The following ANXA8 variants were observed in gnomAD, a reference collection of about 807,000 sequenced individuals.
ANXA8 encodes annexin A8, also known as VAC-beta.
Under a neutral mutation model 26.8 loss-of-function variants are expected in ANXA8, and 9 were observed. That is an observed-to-expected ratio of 0.34 (90% CI 0.20 to 0.59). ANXA8 has a LOEUF of 0.59. ANXA8 is among the 20% of genes least tolerant of loss of function. The probability of loss-of-function intolerance (pLI) is 0.84; values close to 1 mark genes in which losing one functional copy is unlikely to be tolerated. For missense variants in ANXA8, 83 were observed against 238.5 expected, an observed-to-expected ratio of 0.35 and a Z score of 4.29; for synonymous variants, 39 against 94.8, an observed-to-expected ratio of 0.41 and a Z score of 3.42.
the ANXA8 span, among the ~76,000 whole-genome samples, chr10:47,626,167 G>A: frequency 6.7e-6 from 1 of 150,062 alleles, no homozygotes; most frequent in South Asian, 2.1e-4. Context: ...GGGTCAAATG[G>A]CAGTTAATAG....
At chr10:47,581,427 G>A in the ANXA8 span, 8 of 472,852 alleles carry the variant, frequency 1.7e-5, no homozygotes, top group South Asian at 1.3e-4. Flanking sequence ...AGGAGGGGAA[G>A]CACAGAGCTG....
the ANXA8 span, among the ~76,000 whole-genome samples, chr10:47,561,969 A>G: frequency 2.0e-5 from 3 of 151,412 alleles, no homozygotes; most frequent in African/African-American, 7.3e-5. Context: ...TGGGGGAGTC[A>G]GCTATACAGA....
the ANXA8 span, among the ~76,000 whole-genome samples, chr10:47,600,338 G>C: frequency 6.7e-6 from 1 of 150,354 alleles, no homozygotes; most frequent in Non-Finnish European, 1.5e-5. Flanking sequence ...GGCCAAGGTA[G>C]CTCCGCTCTC....
chr10:47,503,400 A>G, the ANXA8 span: 1 of 1,610,134 alleles, frequency 6.2e-7, no homozygotes, highest in Admixed American at 1.7e-5. Flanking sequence ...ACCGCTTGCA[A>G]ACGGGGGTGG....
At chr10:47,551,536 G>A in the ANXA8 span, among the ~76,000 whole-genome samples, 1 of 151,838 alleles carries the variant, frequency 6.6e-6, no homozygotes. Flanking sequence ...TTGTATCTTG[G>A]GCAAGAAACG....
the ANXA8 span, among the ~76,000 whole-genome samples, chr10:47,974,597 T>A: frequency 2.8e-5 from 4 of 145,122 alleles, no homozygotes; most frequent in Non-Finnish European, 4.6e-5. Flanking sequence ...AAGTTGTATC[T>A]CCATTTTCAT....
At chr10:47,552,870 G>C in the ANXA8 span, among the ~76,000 whole-genome samples, 2 of 151,854 alleles carry the variant, frequency 1.3e-5, no homozygotes, top group Non-Finnish European at 2.9e-5. Flanking sequence ...TGGTCTGATT[G>C]GCAGAGGAAA....
At chr10:47,704,952 A>T in the ANXA8 span, among the ~76,000 whole-genome samples, 1 of 152,094 alleles carries the variant, frequency 6.6e-6, no homozygotes, top group Non-Finnish European at 1.5e-5. Context: ...TTGTAAATTC[A>T]GTGCATGTTC....
the ANXA8 span, among the ~76,000 whole-genome samples, chr10:47,743,317 T>TATACATATAC: frequency 7.3e-5 from 3 of 40,892 alleles, no homozygotes; most frequent in Non-Finnish European, 9.4e-5. Flanking sequence ...TATATACACA[T>TATACATATAC]ATATATATAT....
chr10:47,578,871 C>T, the ANXA8 span, among the ~76,000 whole-genome samples: 1 of 151,926 alleles, frequency 6.6e-6, no homozygotes, highest in East Asian at 1.9e-4. Flanking sequence ...TTCTTTGAGA[C>T]AGAGTCTTGC....
the ANXA8 span, among the ~76,000 whole-genome samples, chr10:47,712,791 C>CT: frequency 3.7e-4 from 26 of 70,736 alleles, no homozygotes; most frequent in East Asian, 8.4e-4. Flanking sequence ...GCATAAGGCA[C>CT]TTTTTTTTTT....
the ANXA8 span, chr10:47,491,624 G>T: frequency 1.8e-3 from 2,752 of 1,535,204 alleles, 39 homozygotes; most frequent in Non-Finnish European, 1.8e-3. Flanking sequence ...TGGCCTTCTC[G>T]GTGCGGTGGG....
At chr10:47,577,268 T>C in the ANXA8 span, among the ~76,000 whole-genome samples, 2 of 137,254 alleles carry the variant, frequency 1.5e-5, no homozygotes, top group Admixed American at 1.5e-4. Context: ...CTCAGCATGG[T>C]GGCTCATGCC....
At chr10:47,558,640 C>T in the ANXA8 span, among the ~76,000 whole-genome samples, 1 of 151,394 alleles carries the variant, frequency 6.6e-6, no homozygotes, top group African/African-American at 2.4e-5. Flanking sequence ...CCTGCCTCAG[C>T]CTCCCAATGT....
intron 11 of ANXA8, among the ~76,000 whole-genome samples, chr10:47,470,029 C>T (rs2132389442): frequency 6.6e-6 from 1 of 151,694 alleles, no homozygotes; most frequent in East Asian, 1.9e-4. Context: ...CGGGTGTGGG[C>T]CACTACGCCT....
At chr10:47,525,829 A>T in the ANXA8 span, among the ~76,000 whole-genome samples, 1 of 87,180 alleles carries the variant, frequency 1.1e-5, no homozygotes. Context: ...TTTGAGACGG[A>T]GTTTCGTTCT....
the ANXA8 span, among the ~76,000 whole-genome samples, chr10:47,554,787 C>G: frequency 6.6e-6 from 1 of 152,134 alleles, no homozygotes. Flanking sequence ...ATACTGGGTG[C>G]TGCACTAGGG....
the ANXA8 span, among the ~76,000 whole-genome samples, chr10:47,958,575 G>C: frequency 6.7e-6 from 1 of 148,496 alleles, no homozygotes; most frequent in East Asian, 2.1e-4. Context: ...TCCACTGATG[G>C]CTTCGCCTCC....
the ANXA8 span, among the ~76,000 whole-genome samples, chr10:47,628,243 T>C: frequency 6.6e-6 from 1 of 152,074 alleles, no homozygotes; most frequent in Non-Finnish European, 1.5e-5. Context: ...TTTTAGGCTT[T>C]CTGAATGTTC....
Sources: allele counts gnomAD v4.1 joint callset (sites outside exome capture counted in the v4.1 genomes callset), GRCh38; gene constraint gnomAD v4.1.1; transcripts MANE v1.5; gene names NCBI Gene and HGNC (gene_info 2026-07-23, HGNC 2026-07-21).